The following SFT2D2 variants were observed in gnomAD, a reference collection of about 807,000 sequenced individuals.
SFT2D2 encodes the protein vesicle transport protein SFT2B.
Under a neutral mutation model 27.4 loss-of-function variants are expected in SFT2D2, and 21 were observed. The observed-to-expected ratio is 0.77, with a 90% CI of 0.54 to 1.10. SFT2D2 has a LOEUF of 1.10. SFT2D2 is among the 50% of genes least tolerant of loss of function. The pLI is 0.00. For synonymous variants in SFT2D2, 72 were observed against 71.7 expected (o/e 1.00, Z -0.02); for missense variants, 187 against 194.2 (o/e 0.96, Z 0.22).
intron 7 of SFT2D2, 46 bp from the exon 8 acceptor site, chr1:168,242,455 T>C: frequency 6.2e-7 from 1 of 1,612,270 alleles, no homozygotes; most frequent in Middle Eastern, 1.7e-4. Context: ...AGGAGTGCCT[T>C]TGGGGTGATG....
chr1:168,231,917 G>T lies in SFT2D2; in HGVS notation c.234G>T (p.Gly78=). 6.2e-7 allele frequency: 1 copy of T among 1,614,036 alleles called. No homozygotes were observed. The highest frequency in any genetic ancestry group is 1.7e-5 in the Admixed American group (1 of 60,018). ...CCTTTGGTAATATCGCATCAATTGG[G>T]AGGTAACTGTTTTTTAAAAATCCAA... ...FYTFGNIASI[G]STIFLMGPVK... The change falls in exon 3 of 8, where the codon GGG becomes GGT. Residue 78 remains glycine, a splice_region_variant and synonymous_variant. Coordinates refer to ENST00000271375, the MANE Select transcript of SFT2D2 (RefSeq NM_199344.3).
At chr1:168,232,880 T>TA in intron 3 of SFT2D2, among the ~76,000 whole-genome samples, 1 of 152,162 alleles carries the variant, frequency 6.6e-6, no homozygotes. Context: ...GAGAAGGTGA[T>TA]ATCTGAGCTG....
intron 1 of SFT2D2, chr1:168,229,845 C>G (rs1223916056): frequency 6.6e-6 from 1 of 152,232 alleles, no homozygotes; most frequent in African/African-American, 2.4e-5. Context: ...AGCCTGCTAC[C>G]AGAGCATCAT....
rs1271348136 is a variant in SFT2D2 at position 168,244,790 on chromosome 1, C to G, written c.*2250C>G. 3 of 152,062 alleles carry G rather than the reference C, an allele frequency of 2.0e-5. No homozygotes were observed. Among genetic ancestry groups the G allele is most frequent in the Non-Finnish European group, 4.4e-5 (3 of 68,042 alleles). 9.4% of individuals were successfully genotyped at this position (152,062 alleles called of 1,614,324 possible). A position where few individuals can be genotyped will look rare whatever the true frequency, so the allele number is the denominator to read the frequency against. On this transcript the variant is annotated 3_prime_UTR_variant, in exon 8 of 8. Coordinates refer to ENST00000271375, the MANE Select transcript of SFT2D2 (RefSeq NM_199344.3). ...ACGAGGCTTGGCTAGTCACTGTGAG[C>G]TCCAGCAGCTCCAGCAGCCTGGAAT...
rs1325236534 is a variant in SFT2D2, at chr1:168,242,743, G to C, written c.*203G>C. On this transcript the variant is annotated 3_prime_UTR_variant, in exon 8 of 8. Coordinates refer to ENST00000271375, the MANE Select transcript of SFT2D2 (RefSeq NM_199344.3). Reference sequence around the variant, plus strand: ...CCTGAATGTCAGTAGCACAGGATGAGAAGTGGGTTCTGTATCTTGTGGAGT... The same window carrying C: ...CCTGAATGTCAGTAGCACAGGATGACAAGTGGGTTCTGTATCTTGTGGAGT... 1 of 615,352 alleles carries C rather than the reference G, an allele frequency of 1.6e-6. No homozygotes were observed. Among genetic ancestry groups the C allele is most frequent in the Non-Finnish European group, 2.9e-6 (1 of 344,152 alleles). The allele number at this position is 615,352 out of a possible 1,614,324, so 38.1% of individuals were successfully genotyped here.
chr1:168,238,487 C>T (rs1003815878), intron 6 of SFT2D2, among the ~76,000 whole-genome samples: 18 of 151,362 alleles, frequency 1.2e-4, no homozygotes, highest in Admixed American at 1.2e-3. Flanking sequence ...AAGACCGGGT[C>T]TCTGCAAAAA....
chr1:168,230,675 A>G (rs952532117), intron 1 of SFT2D2, among the ~76,000 whole-genome samples: 1 of 152,130 alleles, frequency 6.6e-6, no homozygotes, highest in African/African-American at 2.4e-5. Context: ...AGGTTTCGCC[A>G]TGTTGGTCAG....
intron 6 of SFT2D2, among the ~76,000 whole-genome samples, chr1:168,237,468 G>C (rs1346419434): frequency 6.6e-6 from 1 of 152,182 alleles, no homozygotes; most frequent in Non-Finnish European, 1.5e-5. Context: ...GAGTGAGAGG[G>C]GTGGTGGCAT....
intron 7 of SFT2D2, among the ~76,000 whole-genome samples, chr1:168,241,013 C>G (rs1468941251): frequency 2.0e-5 from 3 of 152,182 alleles, no homozygotes; most frequent in African/African-American, 7.2e-5. Flanking sequence ...GCACAGGTCT[C>G]ATTCGTGAAA....
intron 1 of SFT2D2, among the ~76,000 whole-genome samples, chr1:168,228,452 G>A (rs567557417): frequency 3.3e-5 from 5 of 152,206 alleles, no homozygotes; most frequent in Admixed American, 2.6e-4. Flanking sequence ...CCTCTCCTAG[G>A]TAGTTATAAA....
At chr1:168,235,322 G>T in intron 4 of SFT2D2, 140 bp downstream of exon 4, 1 of 813,520 alleles carries the variant, frequency 1.2e-6, no homozygotes, top group East Asian at 2.5e-5. Context: ...TAACCATGTG[G>T]CAGAAGGGAA....
rs944916483 is a variant in SFT2D2 at position 168,248,071 on chromosome 1, C to T, written c.*5531C>T. 6.6e-6 allele frequency: 1 copy of T among 152,154 alleles called. No individual in the cohort carries two copies. Among genetic ancestry groups the T allele is most frequent in the Non-Finnish European group, 1.5e-5 (1 of 68,034 alleles). 9.4% of individuals were successfully genotyped at this position (152,154 alleles called of 1,614,324 possible). On this transcript the variant is annotated 3_prime_UTR_variant, in exon 8 of 8. Coordinates refer to ENST00000271375, the MANE Select transcript of SFT2D2 (RefSeq NM_199344.3). Reference sequence around the variant, plus strand: ...TCTATGTAGATTCTGGATCTTAGCCCTTTGTCAGATGGATAGATTGCAAAA... The same window carrying T: ...TCTATGTAGATTCTGGATCTTAGCCTTTTGTCAGATGGATAGATTGCAAAA...
At chr1:168,235,367 A>G (rs1022946306) in intron 4 of SFT2D2, among the ~76,000 whole-genome samples, 185 bp downstream of exon 4, 3 of 152,016 alleles carry the variant, frequency 2.0e-5, no homozygotes, top group South Asian at 2.1e-4. Flanking sequence ...CTCCTCCCCT[A>G]CTTTGTGTTT....
chr1:168,232,984 C>T (rs1394763112), intron 3 of SFT2D2, among the ~76,000 whole-genome samples: 1 of 152,174 alleles, frequency 6.6e-6, no homozygotes, highest in East Asian at 1.9e-4. Flanking sequence ...GGCCATTTTC[C>T]ACTGAGCTGT....
chr1:168,235,971 CAG>C (rs1036899487), intron 4 of SFT2D2, among the ~76,000 whole-genome samples: 5 of 152,170 alleles, frequency 3.3e-5, no homozygotes, highest in South Asian at 4.1e-4. Context: ...ATGCTGGACA[CAG>C]AGAATATTTA....
At chr1:168,235,956 G>A (rs1431117813) in intron 4 of SFT2D2, among the ~76,000 whole-genome samples, 4 of 152,174 alleles carry the variant, frequency 2.6e-5, no homozygotes, top group Non-Finnish European at 4.4e-5. Context: ...AGAGTATTGG[G>A]CACAATGCTG....
At chr1:168,237,320 T>C (rs1020115712) in intron 6 of SFT2D2, among the ~76,000 whole-genome samples, 5 of 152,164 alleles carry the variant, frequency 3.3e-5, no homozygotes, top group African/African-American at 1.2e-4. Context: ...CAGAGGCTTG[T>C]TGGCTTTTGG....
In SFT2D2 at chr1:168,252,498, G is replaced by A. The variant is rs766776443; in HGVS notation, c.*9958G>A. 1 of 152,146 alleles carries A rather than the reference G, an allele frequency of 6.6e-6. No individual in the cohort carries two copies. The highest frequency in any genetic ancestry group is 1.5e-5 in the Non-Finnish European group (1 of 68,038). 9.4% of individuals were successfully genotyped at this position (152,146 alleles called of 1,614,324 possible). ...CTTGTATTTGTGTAATCTCCCAAGG[G>A]AGAGCTATGGTTTACATTCAATTTT... On this transcript the variant is annotated 3_prime_UTR_variant, in exon 8 of 8. Coordinates refer to ENST00000271375, the MANE Select transcript of SFT2D2 (RefSeq NM_199344.3).
rs751062080 is a variant in SFT2D2 at position 168,226,051 on chromosome 1, G to T, written c.-29G>T. ...GCGAGCGCAACAGGCTGCCGCTGAGGAGCTGGAGCTGGTGGGGACTGGGCC... is the reference window on the plus strand; with the variant it reads ...GCGAGCGCAACAGGCTGCCGCTGAGTAGCTGGAGCTGGTGGGGACTGGGCC... On this transcript the variant is annotated 5_prime_UTR_variant, in exon 1 of 8. Coordinates refer to ENST00000271375, the MANE Select transcript of SFT2D2 (RefSeq NM_199344.3). The T allele has an allele frequency of 5.4e-5, 81 of 1,501,670 alleles. No individual in the cohort carries two copies. Among genetic ancestry groups the T allele is most frequent in the Non-Finnish European group, 1.2e-5 (13 of 1,122,202 alleles). The allele number at this position is 1,501,670 out of a possible 1,614,324, so 93.0% of individuals were successfully genotyped here.
Sources: gnomAD v4.1 joint callset for allele counts (sites outside exome capture counted in the v4.1 genomes callset) on GRCh38, gnomAD v4.1.1 for gene constraint, MANE v1.5 for transcripts, NCBI Gene and HGNC (gene_info 2026-07-23, HGNC 2026-07-21) for gene names.